The following PCDHGB2 variants were observed in gnomAD, a reference collection of about 807,000 sequenced individuals.
PCDHGB2 encodes the protein protocadherin gamma-B2.
In PCDHGB2, 55 loss-of-function variants were observed where a neutral mutation model predicts 59.3. That is an observed-to-expected ratio of 0.93 (90% confidence interval 0.75 to 1.16). PCDHGB2 has a LOEUF of 1.16. Ranked by LOEUF, PCDHGB2 falls within the 50% of genes most tolerant of loss-of-function variation. The pLI is 0.00. For synonymous variants in PCDHGB2, 516 were observed against 512.0 expected (o/e 1.01, Z -0.11); for missense variants, 1,228 against 1,198.5 (o/e 1.02, Z -0.36).
At chr5:141,374,974 G>A in intron 1 of PCDHGB2, 2 of 1,613,958 alleles carry the variant, frequency 1.2e-6, no homozygotes, top group Non-Finnish European at 1.7e-6. Context: ...TGAATGTTTT[G>A]ACTGGAGAAA....
intron 1 of PCDHGB2, chr5:141,393,145 A>G (rs2092690678): frequency 6.2e-7 from 1 of 1,613,324 alleles, no homozygotes; most frequent in Non-Finnish European, 8.5e-7. Context: ...ACCCTGGTTG[A>G]GGATAAAGGA....
intron 1 of PCDHGB2, chr5:141,410,816 A>G (rs2095424614): frequency 1.8e-6 from 1 of 550,516 alleles, no homozygotes; most frequent in African/African-American, 2.1e-5. Flanking sequence ...TTTGTAAAAT[A>G]ATGTCACCAG....
intron 1 of PCDHGB2, chr5:141,414,994 T>C (rs1390374290): frequency 3.7e-6 from 6 of 1,613,626 alleles, no homozygotes; most frequent in Non-Finnish European, 4.2e-6. Flanking sequence ...CCAGAACGCC[T>C]GGCTGTCCTA....
At chr5:141,364,591 G>T (rs754833725) in intron 1 of PCDHGB2, 3 of 1,614,194 alleles carry the variant, frequency 1.9e-6, no homozygotes, top group South Asian at 1.1e-5. Context: ...TGGTCACCGC[G>T]GGCAGGATAG....
rs374478954 is a variant in PCDHGB2 at position 141,370,771 on chromosome 5, T to C, written c.2421+8215T>C. The C allele has an allele frequency of 2.0e-5, 33 of 1,614,000 alleles. No homozygotes were observed. The African/African-American group carries it at 3.9e-4, about 19-fold the overall frequency. On this transcript the variant is annotated intron_variant, in intron 1 of 3. Coordinates refer to ENST00000522605, the MANE Select transcript of PCDHGB2 (RefSeq NM_018923.3). Reference sequence around the variant, plus strand: ...CATGTAACTGTGCTGATCCAGGATATTAACGACAACCCACCGACCTTTAGC... The same window carrying C: ...CATGTAACTGTGCTGATCCAGGATACTAACGACAACCCACCGACCTTTAGC...
At chr5:141,374,556 A>G in intron 1 of PCDHGB2, 3 of 1,613,690 alleles carry the variant, frequency 1.9e-6, no homozygotes, top group Non-Finnish European at 1.7e-6. Context: ...ATGGAGGTCT[A>G]TGACCCTGAT....
chr5:141,413,461 C>G (rs1294898087), intron 1 of PCDHGB2: 11 of 1,614,082 alleles, frequency 6.8e-6, no homozygotes, highest in Non-Finnish European at 7.6e-6. Flanking sequence ...CAGGATAGAC[C>G]GGGAGGAGCT....
chr5:141,393,682 C>T (rs756181553), intron 1 of PCDHGB2: 18 of 1,613,870 alleles, frequency 1.1e-5, no homozygotes, highest in Non-Finnish European at 1.3e-5. Context: ...AAACAAACTC[C>T]GTTATTCCAG....
chr5:141,463,644 G>C (rs1356692609), intron 1 of PCDHGB2, among the ~76,000 whole-genome samples: 1 of 151,596 alleles, frequency 6.6e-6, no homozygotes, highest in Non-Finnish European at 1.5e-5. Context: ...GTAGAGACGG[G>C]GTTTCACCGT....
At chr5:141,392,249 T>C (rs1474806816) in intron 1 of PCDHGB2, 1 of 152,206 alleles carries the variant, frequency 6.6e-6, no homozygotes, top group Non-Finnish European at 1.5e-5. Context: ...TTTGTTAGTA[T>C]ATATTGGAGA....
At chr5:141,413,195 G>A (rs771456948) in intron 1 of PCDHGB2, 2 of 1,610,846 alleles carry the variant, frequency 1.2e-6, no homozygotes, top group Admixed American at 1.7e-5. Context: ...CAAAGGAATC[G>A]CTCAAAGGAA....
chr5:141,394,491 C>A lies in PCDHGB2; in HGVS notation c.2421+31935C>A, dbSNP rs1477855534. 4 of 1,614,234 alleles carry A rather than the reference C, an allele frequency of 2.5e-6. No homozygotes were observed. The highest frequency in any genetic ancestry group is 2.5e-6 in the Non-Finnish European group (3 of 1,180,046). On this transcript the variant is annotated intron_variant, in intron 1 of 3. Transcript: ENST00000522605. The stretch of plus-strand genomic sequence containing the variant: ...CGTGCTGGACCAGAATGACAACGCG[C>A]CCGAGATCCTGTACCCCGCCCTCCC...
intron 1 of PCDHGB2, chr5:141,389,814 G>A (rs753211260): frequency 1.2e-6 from 2 of 1,613,866 alleles, no homozygotes; most frequent in East Asian, 2.2e-5. Context: ...TCTGGTCGCC[G>A]TGCGTGACGG....
At chr5:141,423,470 A>G in intron 1 of PCDHGB2, 1 of 1,614,002 alleles carries the variant, frequency 6.2e-7, no homozygotes, top group Non-Finnish European at 8.5e-7. Context: ...GACGGGGTAC[A>G]GGCTTTCCTG....
rs1259098111 is a variant in PCDHGB2 at position 141,489,418 on chromosome 5, T to C, written c.2422-5389T>C. On this transcript the variant is annotated intron_variant, in intron 1 of 3. Coordinates refer to ENST00000522605, the MANE Select transcript of PCDHGB2 (RefSeq NM_018923.3). This position sits in a 1 kb window ranked among gnomAD's most constrained non-coding sequence, Gnocchi z 4.5. ...TCTGGGCTTAAAGATGACAGATCTGTTGAGCCGGCGGCTGCAATTGGGCTC... is the reference window on the plus strand; with the variant it reads ...TCTGGGCTTAAAGATGACAGATCTGCTGAGCCGGCGGCTGCAATTGGGCTC... The C allele has an allele frequency of 1.2e-6, 2 of 1,614,174 alleles. No individual in the cohort carries two copies. The highest frequency in any genetic ancestry group is 8.5e-7 in the Non-Finnish European group (1 of 1,180,032).
intron 1 of PCDHGB2, chr5:141,374,303 C>A: frequency 6.2e-7 from 1 of 1,613,938 alleles, no homozygotes; most frequent in Non-Finnish European, 8.5e-7. Context: ...TAGGATGCAG[C>A]TTTTCTCTCT....
At chr5:141,502,946 C>T (rs900624216) in intron 2 of PCDHGB2, among the ~76,000 whole-genome samples, 13 of 145,572 alleles carry the variant, frequency 8.9e-5, no homozygotes, top group African/African-American at 2.6e-4. Flanking sequence ...TGGGTTCAAG[C>T]GATTCTCCTG....
intron 1 of PCDHGB2, among the ~76,000 whole-genome samples, chr5:141,402,587 T>C (rs2094282900): frequency 1.3e-5 from 2 of 152,228 alleles, no homozygotes; most frequent in Non-Finnish European, 2.9e-5. Flanking sequence ...ATCTAAAAAA[T>C]AGATTGCTTT....
intron 1 of PCDHGB2, chr5:141,421,930 G>T (rs780569992): frequency 3.1e-6 from 5 of 1,613,480 alleles, no homozygotes; most frequent in Non-Finnish European, 4.2e-6. Context: ...GGTGGTCCTC[G>T]ATGTAAATGA....
Sources: gnomAD v4.1 joint callset for allele counts (sites outside exome capture counted in the v4.1 genomes callset) on GRCh38, gnomAD v4.1.1 for gene constraint, Gnocchi (gnomAD v3.1) non-coding constraint, MANE v1.5 for transcripts, NCBI Gene and HGNC (gene_info 2026-07-23, HGNC 2026-07-21) for gene names.